The following PRAG1 variants were observed in gnomAD, a reference collection of about 807,000 sequenced individuals.
PRAG1 encodes PEAK1 related, kinase-activating pseudokinase 1, also known as inactive tyrosine-protein kinase PRAG1.
In PRAG1, 110 loss-of-function variants were observed where a neutral mutation model predicts 95.6. That is an observed-to-expected ratio of 1.15 (90% CI 0.99 to 1.35). The LOEUF is 1.35. PRAG1 is among the 40% of genes most tolerant of loss of function. The pLI is 0.00. For missense variants in PRAG1, 2,554 were observed against 1,864.7 expected, an observed-to-expected ratio of 1.37 and a Z score of -6.81; for synonymous variants, 1,052 against 819.4, an observed-to-expected ratio of 1.28 and a Z score of -4.85.
At chr8:8,324,883 C>G (rs1317930558) in intron 5 of PRAG1, among the ~76,000 whole-genome samples, 1 of 152,120 alleles carries the variant, frequency 6.6e-6, no homozygotes, top group South Asian at 2.1e-4. Flanking sequence ...TTTCCTGTCA[C>G]CTATTCATGC....
At chr8:8,371,115 G>A (rs1401258901) in intron 3 of PRAG1, among the ~76,000 whole-genome samples, 6 of 131,990 alleles carry the variant, frequency 4.5e-5, no homozygotes, top group Non-Finnish European at 7.8e-5. Flanking sequence ...CAGCCTGAGC[G>A]ACAGAGATTC....
At position 8,378,011 on chromosome 8, in the gene PRAG1, AG is replaced by A. The variant is rs1388991757; in HGVS notation, c.397del (p.Leu133TrpfsTer48). The A allele has an allele frequency of 2.5e-6, 4 of 1,593,100 alleles. No homozygotes were observed. The South Asian group carries it at 4.5e-5, about 18-fold the overall frequency. On this transcript the variant is annotated frameshift_variant, in exon 3 of 6. Coordinates refer to ENST00000615670, the MANE Select transcript of PRAG1 (RefSeq NM_001080826.3). LOFTEE classifies it high-confidence loss of function. ...CTTCTGTACACCTCGGAAGCTGCCCAGGTAGACGACGGGGGCATCCTCCTGC... is the reference window on the plus strand; with the variant it reads ...CTTCTGTACACCTCGGAAGCTGCCCAGTAGACGACGGGGGCATCCTCCTGC... ...PKQEDAPVVY[L>X]GSFRGVQKPA...
intron 5 of PRAG1, among the ~76,000 whole-genome samples, chr8:8,325,130 C>A (rs375336178): frequency 3.3e-5 from 5 of 152,356 alleles, no homozygotes; most frequent in African/African-American, 9.6e-5. Context: ...ACCCACTCCC[C>A]CTCCTGCGGA....
At chr8:8,351,868 C>G (rs1368060552) in intron 3 of PRAG1, among the ~76,000 whole-genome samples, 1 of 152,170 alleles carries the variant, frequency 6.6e-6, no homozygotes, top group African/African-American at 2.4e-5. Context: ...TCCCCCAGCA[C>G]ACATCTACCT....
chr8:8,327,968 CAGCTGA>C lies in PRAG1; in HGVS notation c.2808_2813del (p.Gln937_Leu938del). ...TGCTGATGTTGCTCAGGAGACCGTG[CAGCTGA>C]AGCTGGGTGCTCCCGGTGGAGGCTT... On this transcript the variant is annotated inframe_deletion, in exon 5 of 6. Transcript: ENST00000615670. 2 of 1,604,814 alleles carry C rather than the reference CAGCTGA, an allele frequency of 1.2e-6. No homozygotes were observed. Among genetic ancestry groups the C allele is most frequent in the Non-Finnish European group, 8.5e-7 (1 of 1,174,378 alleles).
At position 8,319,212 on chromosome 8, in the gene PRAG1, C is replaced by A. The variant is rs201081809; in HGVS notation, c.3163G>T (p.Val1055Phe). 2 of 1,582,998 alleles carry A rather than the reference C, an allele frequency of 1.3e-6. No homozygotes were observed. Among genetic ancestry groups the A allele is most frequent in the Non-Finnish European group, 1.7e-6 (2 of 1,160,976 alleles). The stretch of plus-strand genomic sequence containing the variant: ...AGCATGCTGGACGGCACCGAGGCGA[C>A]GAAGTGGCCGCAGTCCTGCTGGATG... The part of the protein sequence containing the change: ...FNIQQDCGHF[V>F]ASVPSSMLSS... The change falls in exon 6 of 6, where the codon GTC becomes TTC. Residue 1055 changes from valine to phenylalanine, a missense_variant. Coordinates refer to ENST00000615670, the MANE Select transcript of PRAG1 (RefSeq NM_001080826.3).
At chr8:8,327,575 GA>G (rs922762230) in intron 5 of PRAG1, 134 bp downstream of exon 5, 28 of 1,060,828 alleles carry the variant, frequency 2.6e-5, no homozygotes, top group South Asian at 5.7e-5. Flanking sequence ...TATCTTACAA[GA>G]AAAAAAAGAA....
chr8:8,328,339 G>A lies in PRAG1; in HGVS notation c.2443C>T (p.Leu815Phe). 6.2e-7 allele frequency: 1 copy of A among 1,613,614 alleles called. No individual in the cohort carries two copies. Among genetic ancestry groups the A allele is most frequent in the Non-Finnish European group, 8.5e-7 (1 of 1,179,862 alleles). Residue 815 changes from leucine (L) to phenylalanine (F), a missense_variant, in exon 5 of 6, where the codon CTC (leucine) becomes TTC (phenylalanine). Physicochemically the swap from Leu to Phe is conservative, Grantham distance 22. Transcript: ENST00000615670. Reference sequence around the variant, plus strand: ...CGGCTCACTATCTTTTTCTGGGGGAGTGGAGGGGGCTGCTGGGGGCCACTG... The same window carrying A: ...CGGCTCACTATCTTTTTCTGGGGGAATGGAGGGGGCTGCTGGGGGCCACTG... ...SPSGPQQPPP[L>F]PQKKIVSRAA...
At chr8:8,349,547 G>A (rs1015457497) in intron 3 of PRAG1, among the ~76,000 whole-genome samples, 1 of 152,112 alleles carries the variant, frequency 6.6e-6, no homozygotes, top group Non-Finnish European at 1.5e-5. Context: ...CTCCCAAAGT[G>A]CTGGGATTAC....
At chr8:8,341,334 G>GCA (rs141309841) in intron 3 of PRAG1, among the ~76,000 whole-genome samples, 9 of 151,722 alleles carry the variant, frequency 5.9e-5, no homozygotes, top group East Asian at 1.9e-4. Flanking sequence ...ATATACATAT[G>GCA]CACACACACA....
intron 4 of PRAG1, among the ~76,000 whole-genome samples, chr8:8,334,728 C>G (rs1426136930): frequency 6.6e-6 from 1 of 150,492 alleles, no homozygotes; most frequent in African/African-American, 2.5e-5. Context: ...CTTTCAATCT[C>G]CTGTTATAAC....
Position 8,327,882 on chromosome 8 carries a change from A to G in PRAG1, c.2900T>C (p.Val967Ala). 2 of 1,614,198 alleles carry G rather than the reference A, an allele frequency of 1.2e-6. No individual in the cohort carries two copies. The highest frequency in any genetic ancestry group is 2.2e-5 in the East Asian group (1 of 44,880). Residue 967 changes from valine to alanine, a missense_variant, in exon 5 of 6, where the codon GTA becomes GCA. Coordinates refer to ENST00000615670, the MANE Select transcript of PRAG1 (RefSeq NM_001080826.3). ...GLYTQSLARL[V>A]AKCEDLFMGG... ...CATGAAGAGGTCCTCACATTTGGCTACAAGGCGGGCCAGGGACTGGGTGTA... is the reference window on the plus strand; with the variant it reads ...CATGAAGAGGTCCTCACATTTGGCTGCAAGGCGGGCCAGGGACTGGGTGTA...
intron 3 of PRAG1, among the ~76,000 whole-genome samples, chr8:8,346,157 T>A (rs1392633402): frequency 6.6e-6 from 1 of 152,260 alleles, no homozygotes; most frequent in East Asian, 1.9e-4. Flanking sequence ...TAGCCTTTTT[T>A]AAAGGCACTT....
At chr8:8,325,017 C>A (rs932048832) in intron 5 of PRAG1, among the ~76,000 whole-genome samples, 1 of 152,178 alleles carries the variant, frequency 6.6e-6, no homozygotes, top group Non-Finnish European at 1.5e-5. Context: ...ACTCCGCGAC[C>A]GCAAACGAGG....
chr8:8,340,395 C>A (rs1799124707), intron 3 of PRAG1, among the ~76,000 whole-genome samples: 1 of 152,190 alleles, frequency 6.6e-6, no homozygotes, highest in African/African-American at 2.4e-5. Context: ...TTTCTCCTTC[C>A]CACTTTCCAA....
chr8:8,341,069 G>A (rs888121808), intron 3 of PRAG1, among the ~76,000 whole-genome samples: 4 of 152,198 alleles, frequency 2.6e-5, no homozygotes, highest in African/African-American at 9.7e-5. Context: ...AGGATATGAA[G>A]TCATGCATAA....
At position 8,318,692 on chromosome 8, in the gene PRAG1, G is replaced by C. The variant is rs751663133; in HGVS notation, c.3683C>G (p.Pro1228Arg). 5 of 1,611,064 alleles carry C rather than the reference G, an allele frequency of 3.1e-6. No homozygotes were observed. Among genetic ancestry groups the C allele is most frequent in the Non-Finnish European group, 4.2e-6 (5 of 1,179,614 alleles). The change falls in exon 6 of 6, where the codon CCA (proline) becomes CGA (arginine). Residue 1228 changes from proline to arginine, a missense_variant. By Grantham distance (103) the Pro-to-Arg change is moderately radical (BLOSUM62 -2). Transcript: ENST00000615670. The surrounding 1 kb of genome is among the most constrained non-coding windows in gnomAD (Gnocchi z 4.2). The stretch of plus-strand genomic sequence containing the variant: ...CTGGCTCTTCTTCTGCTGCAGGTTT[G>C]GGGTGCCGCCCGGCTTCTGCTTGGC... ...LKAKQKPGGT[P>R]NLQQKKSQAR...
At chr8:8,325,095 G>A (rs1798592085) in intron 5 of PRAG1, among the ~76,000 whole-genome samples, 1 of 152,190 alleles carries the variant, frequency 6.6e-6, no homozygotes, top group Non-Finnish European at 1.5e-5. Context: ...GCCTCAGACA[G>A]GCAGCTCGCT....
chr8:8,349,292 A>AT (rs1554506944), intron 3 of PRAG1, among the ~76,000 whole-genome samples: 1 of 150,604 alleles, frequency 6.6e-6, no homozygotes, highest in Admixed American at 6.6e-5. Flanking sequence ...TTATTTATTT[A>AT]TTTTTTGAGA....
Sources: gnomAD v4.1 joint callset for allele counts (sites outside exome capture counted in the v4.1 genomes callset) on GRCh38, gnomAD v4.1.1 for gene constraint, Gnocchi (gnomAD v3.1) non-coding constraint, MANE v1.5 for transcripts, NCBI Gene and HGNC (gene_info 2026-07-23, HGNC 2026-07-21) for gene names.